ADGRB3: variants seen among roughly 807,000 people sequenced by gnomAD.
ADGRB3 encodes adhesion G protein-coupled receptor B3.
ADGRB3 carries 37 observed loss-of-function variants against 193.4 expected under a neutral mutation model. The observed-to-expected ratio is 0.19, with a 90% confidence interval of 0.15 to 0.25. The LOEUF (loss-of-function observed/expected upper bound fraction) is 0.25. Among genes scored for constraint, ADGRB3 ranks in the 10% least tolerant of loss-of-function variants. The pLI, the probability that ADGRB3 is intolerant of heterozygous loss-of-function variation, is 1.00. For missense variants in ADGRB3, 1,637 were observed against 1,852.9 expected, an observed-to-expected ratio of 0.88 and a Z score of 2.14; for synonymous variants, 690 against 644.2, an observed-to-expected ratio of 1.07 and a Z score of -1.08.
chr6:69,076,822 A>G (rs976574765), intron 17 of ADGRB3, among the ~76,000 whole-genome samples: 1 of 151,920 alleles, frequency 6.6e-6, no homozygotes, highest in Non-Finnish European at 1.5e-5. Context: ...CCCACTCTAT[A>G]TATGCTGTCA....
chr6:68,894,827 C>A (rs1041925434), intron 3 of ADGRB3, among the ~76,000 whole-genome samples: 3 of 151,812 alleles, frequency 2.0e-5, no homozygotes, highest in Non-Finnish European at 4.4e-5. Context: ...TGATTTGTTA[C>A]TTCAAATAAC....
At chr6:68,860,361 G>T (rs1211046190) in intron 3 of ADGRB3, among the ~76,000 whole-genome samples, 1 of 152,188 alleles carries the variant, frequency 6.6e-6, no homozygotes, top group Non-Finnish European at 1.5e-5. Flanking sequence ...GTACCCAATA[G>T]TTGATTTTTC....
chr6:69,343,972 G>T (rs1769033705), intron 26 of ADGRB3, among the ~76,000 whole-genome samples: 1 of 152,174 alleles, frequency 6.6e-6, no homozygotes. Context: ...AAGGACACAA[G>T]AGTTATGAAA....
intron 13 of ADGRB3, among the ~76,000 whole-genome samples, chr6:69,021,263 G>T (rs1770255172): frequency 6.6e-6 from 1 of 151,970 alleles, no homozygotes; most frequent in African/African-American, 2.4e-5. Flanking sequence ...ATTTTAGAGA[G>T]ATTATAAATT....
At chr6:68,938,665 C>A (rs1267017906) in intron 5 of ADGRB3, among the ~76,000 whole-genome samples, 4 of 151,918 alleles carry the variant, frequency 2.6e-5, no homozygotes, top group African/African-American at 7.3e-5. Context: ...GATTACATAT[C>A]ATTTGACCAA....
chr6:69,339,840 A>G (rs988694263), intron 26 of ADGRB3, among the ~76,000 whole-genome samples: 17 of 152,230 alleles, frequency 1.1e-4, no homozygotes, highest in Admixed American at 2.0e-4. Flanking sequence ...GCATAGAGGC[A>G]TAAGTTTTAA....
At chr6:69,202,631 A>G (rs1765450117) in intron 17 of ADGRB3, among the ~76,000 whole-genome samples, 1 of 152,182 alleles carries the variant, frequency 6.6e-6, no homozygotes, top group South Asian at 2.1e-4. Flanking sequence ...GATTTCAAGT[A>G]ATATTTAGAA....
chr6:68,805,248 T>G (rs2127372918), intron 3 of ADGRB3, among the ~76,000 whole-genome samples: 1 of 152,358 alleles, frequency 6.6e-6, no homozygotes, highest in East Asian at 1.9e-4. Context: ...GCCATTCTAA[T>G]GTTATTTTAA....
chr6:68,928,481 G>A (rs1445108131), intron 3 of ADGRB3, among the ~76,000 whole-genome samples: 1 of 152,132 alleles, frequency 6.6e-6, no homozygotes, highest in African/African-American at 2.4e-5. Context: ...TTTACAGTGA[G>A]CTATGATTGC....
chr6:69,011,827 A>C (rs1769946309), intron 11 of ADGRB3, among the ~76,000 whole-genome samples: 1 of 151,940 alleles, frequency 6.6e-6, no homozygotes, highest in Non-Finnish European at 1.5e-5. Flanking sequence ...AGACATTCAG[A>C]CTTAGCTCAC....
intron 3 of ADGRB3, among the ~76,000 whole-genome samples, chr6:68,697,758 C>T (rs1231480286): frequency 1.3e-5 from 2 of 151,832 alleles, no homozygotes; most frequent in African/African-American, 4.8e-5. Context: ...CTTTTTATTC[C>T]ACATTGCCCT....
chr6:69,178,455 T>A (rs1184026843), intron 17 of ADGRB3, among the ~76,000 whole-genome samples: 1 of 152,194 alleles, frequency 6.6e-6, no homozygotes, highest in African/African-American at 2.4e-5. Flanking sequence ...TTAGACTATT[T>A]ACATTCAAAG....
intron 3 of ADGRB3, among the ~76,000 whole-genome samples, chr6:68,710,233 A>G (rs574729491): frequency 6.6e-6 from 1 of 152,306 alleles, no homozygotes; most frequent in East Asian, 1.9e-4. Context: ...CAAAAGAATC[A>G]TTCCCTGTAA....
chr6:69,114,587 G>A (rs1773468222), intron 17 of ADGRB3, among the ~76,000 whole-genome samples: 1 of 152,138 alleles, frequency 6.6e-6, no homozygotes, highest in Admixed American at 6.5e-5. Flanking sequence ...CTTTGCCCAT[G>A]CCTATGTCCT....
intron 20 of ADGRB3, among the ~76,000 whole-genome samples, chr6:69,278,077 T>A (rs1362313722): frequency 6.6e-6 from 1 of 152,234 alleles, no homozygotes; most frequent in African/African-American, 2.4e-5. Context: ...TTATTGATTC[T>A]TTCTGAACAT....
At chr6:68,798,871 A>T (rs1767262145) in intron 3 of ADGRB3, among the ~76,000 whole-genome samples, 2 of 152,166 alleles carry the variant, frequency 1.3e-5, no homozygotes, top group South Asian at 4.1e-4. Context: ...CTCCCAGAAA[A>T]GCTGAAGTCC....
At chr6:69,022,256 A>G (rs1770292034) in intron 13 of ADGRB3, among the ~76,000 whole-genome samples, 1 of 151,804 alleles carries the variant, frequency 6.6e-6, no homozygotes, top group Admixed American at 6.6e-5. Flanking sequence ...AACTATCTGC[A>G]TAGGTAAGTG....
At chr6:68,653,310 C>T (rs1768414661) in intron 3 of ADGRB3, among the ~76,000 whole-genome samples, 1 of 152,122 alleles carries the variant, frequency 6.6e-6, no homozygotes, top group East Asian at 1.9e-4. Flanking sequence ...GGTGTCACTA[C>T]AGCCTAATCT....
chr6:69,287,765 A>G (rs1767583660), intron 20 of ADGRB3, among the ~76,000 whole-genome samples: 1 of 152,234 alleles, frequency 6.6e-6, no homozygotes, highest in Non-Finnish European at 1.5e-5. Flanking sequence ...GTAATGTCAT[A>G]TCGAATTGGT....
Sources: gnomAD v4.1 joint callset for allele counts (sites outside exome capture counted in the v4.1 genomes callset) on GRCh38, gnomAD v4.1.1 for gene constraint, MANE v1.5 for transcripts, NCBI Gene and HGNC (gene_info 2026-07-23, HGNC 2026-07-21) for gene names.